Variants in BCL11A observed in about 807,000 individuals in gnomAD.
BCL11A encodes BCL11 transcription factor A, also known as B cell CLL/lymphoma 11A.
A neutral mutation model predicts 55.9 loss-of-function variants in BCL11A; 2 were observed. That is an observed-to-expected ratio of 0.04 (90% CI 0.01 to 0.11). The LOEUF (loss-of-function observed/expected upper bound fraction) is 0.11. Among genes scored for constraint, BCL11A ranks in the 10% least tolerant of loss-of-function variants. BCL11A has a pLI of 1.00. For missense variants in BCL11A, 817 were observed against 1,137.1 expected (o/e 0.72, Z 4.05); for synonymous variants, 465 against 473.4 (o/e 0.98, Z 0.23).
At chr2:60,496,809 G>C (rs1188625346) in intron 2 of BCL11A, among the ~76,000 whole-genome samples, 2 of 151,898 alleles carry the variant, frequency 1.3e-5, no homozygotes, top group African/African-American at 2.4e-5. Context: ...ATGCTCCCAA[G>C]AGGAGTCTTA....
intron 2 of BCL11A, chr2:60,541,793 A>T (rs1165131914): frequency 5.1e-6 from 3 of 585,116 alleles, no homozygotes. Context: ...TTCAGAAGTC[A>T]GTCGTTTTTA....
At chr2:60,481,747 C>T (rs191474164) in intron 2 of BCL11A, among the ~76,000 whole-genome samples, 31 of 152,238 alleles carry the variant, frequency 2.0e-4, no homozygotes, top group African/African-American at 7.2e-4. Context: ...TTTTTTTCCA[C>T]AAGTGAGATT....
At chr2:60,515,782 C>G (rs926334464) in intron 2 of BCL11A, among the ~76,000 whole-genome samples, 3 of 152,212 alleles carry the variant, frequency 2.0e-5, no homozygotes, top group Admixed American at 2.0e-4. Flanking sequence ...CTCTTGATCA[C>G]CCAACTTTCC....
Position 60,460,135 on chromosome 2 carries a change from C to T in BCL11A, c.*269G>A, listed in dbSNP as rs1189942742. ...TAAAATGCAATAGTATTGCCCCATA[C>T]AGATCATGCATTCAAACGGTGAGAA... On this transcript the variant is annotated 3_prime_UTR_variant, in exon 4 of 4. Coordinates refer to ENST00000642384, the MANE Select transcript of BCL11A (RefSeq NM_022893.4). 8.3e-6 allele frequency: 10 copies of T among 1,199,542 alleles called. No individual in the cohort carries two copies. The highest frequency in any genetic ancestry group is 1.0e-5 in the Non-Finnish European group (10 of 974,924). The allele number at this position is 1,199,542 out of a possible 1,614,324, so 74.3% of individuals were successfully genotyped here.
At chr2:60,483,838 T>C (rs1249882924) in intron 2 of BCL11A, among the ~76,000 whole-genome samples, 2 of 152,174 alleles carry the variant, frequency 1.3e-5, no homozygotes, top group African/African-American at 2.4e-5. Flanking sequence ...CTGGTTGTTC[T>C]TTCTTTCTTC....
intron 3 of BCL11A, among the ~76,000 whole-genome samples, chr2:60,467,168 A>ATGG (rs1169175530): frequency 0.01 from 382 of 36,830 alleles, 5 homozygotes; most frequent in East Asian, 0.047. Context: ...GGTGGTGGTG[A>ATGG]TGGTGGTGGT....
At chr2:60,552,609 C>T (rs553638153) in intron 1 of BCL11A, among the ~76,000 whole-genome samples, 2 of 152,328 alleles carry the variant, frequency 1.3e-5, no homozygotes, top group South Asian at 4.1e-4. Flanking sequence ...TCAGGAGCGC[C>T]GGGGGCCCCT....
intron 2 of BCL11A, among the ~76,000 whole-genome samples, chr2:60,470,076 A>G (rs930926500): frequency 2.0e-4 from 31 of 152,174 alleles, no homozygotes; most frequent in Non-Finnish European, 3.4e-4. Context: ...GGCAGTTGGG[A>G]CAAGATTTCC....
At chr2:60,467,240 ATGG>A (rs57821297) in intron 3 of BCL11A, among the ~76,000 whole-genome samples, 1 of 48,876 alleles carries the variant, frequency 2.0e-5, no homozygotes, top group African/African-American at 8.2e-5. Flanking sequence ...GGTGGTAGTG[ATGG>A]TGGTGGTAAT....
chr2:60,452,880 C>A (rs1339953569), downstream of BCL11A: 1 of 493,108 alleles, frequency 2.0e-6, no homozygotes. Flanking sequence ...CCCTCCCTTC[C>A]GTCCCCCCAA....
intron 2 of BCL11A, among the ~76,000 whole-genome samples, chr2:60,539,540 T>C (rs1669827517): frequency 6.6e-6 from 1 of 152,190 alleles, no homozygotes; most frequent in Non-Finnish European, 1.5e-5. Context: ...GGGAGACAAA[T>C]TCCAATGAAC....
At chr2:60,452,247 C>T (rs1051980012), downstream of BCL11A, 4 of 265,996 alleles carry the variant, frequency 1.5e-5, no homozygotes, top group South Asian at 1.1e-4. Flanking sequence ...GGGACTCATG[C>T]GCATTTCCAC....
At chr2:60,550,352 T>C (rs1233549437) in intron 1 of BCL11A, among the ~76,000 whole-genome samples, 1 of 152,032 alleles carries the variant, frequency 6.6e-6, no homozygotes, top group Non-Finnish European at 1.5e-5. Flanking sequence ...AACAAAGACA[T>C]ACGGGGTGAT....
chr2:60,540,671 G>A (rs1669878344), intron 2 of BCL11A, among the ~76,000 whole-genome samples: 1 of 152,110 alleles, frequency 6.6e-6, no homozygotes, highest in Admixed American at 6.5e-5. Context: ...CTACATGGAA[G>A]CTGCAGTGTG....
downstream of BCL11A, among the ~76,000 whole-genome samples, chr2:60,454,069 C>T (rs1261384222): frequency 1.3e-5 from 2 of 151,944 alleles, no homozygotes; most frequent in African/African-American, 2.4e-5. Flanking sequence ...AGAGAAACAG[C>T]CCCATTCCCC....
At chr2:60,468,912 C>G in intron 2 of BCL11A, 79 bp from the exon 3 acceptor site, 1 of 861,764 alleles carries the variant, frequency 1.2e-6, no homozygotes, top group Non-Finnish European at 1.9e-6. Flanking sequence ...CATTTCAATT[C>G]CATTAAAATA....
Position 60,545,974 on chromosome 2 carries a change from C to T in BCL11A, c.382G>A (p.Ala128Thr). The change falls in exon 2 of 4, where the codon GCA becomes ACA. Residue 128 changes from alanine (A) to threonine (T), a missense_variant. Around this residue, in one of 4 missense-constraint regions of BCL11A, gnomAD observed 363 missense variants for 486.6 expected, o/e 0.75. Coordinates refer to ENST00000642384, the MANE Select transcript of BCL11A (RefSeq NM_022893.4). Reference protein sequence around the residue: ...RGICPKQEHIADKLLHWRGLS... With the variant: ...RGICPKQEHITDKLLHWRGLS... The stretch of plus-strand genomic sequence containing the variant: ...TTTCTCCTTGCTTCTCATTTACCTG[C>T]TATGTGTTCCTGTTTGGGGCAAATT... 1 of 1,612,448 alleles carries T rather than the reference C, an allele frequency of 6.2e-7. No individual in the cohort carries two copies. Among genetic ancestry groups the T allele is most frequent in the Non-Finnish European group, 8.5e-7 (1 of 1,178,730 alleles).
At chr2:60,520,010 C>T (rs1668907544) in intron 2 of BCL11A, among the ~76,000 whole-genome samples, 1 of 152,166 alleles carries the variant, frequency 6.6e-6, no homozygotes, top group Non-Finnish European at 1.5e-5. Context: ...TTATTGTATC[C>T]TCTTCAAATA....
intron 2 of BCL11A, among the ~76,000 whole-genome samples, chr2:60,502,408 C>T (rs1257613255): frequency 6.6e-6 from 1 of 152,220 alleles, no homozygotes; most frequent in Non-Finnish European, 1.5e-5. Flanking sequence ...TAAAACTGCA[C>T]AGACAGAATA....
Sources: allele counts gnomAD v4.1 joint callset (sites outside exome capture counted in the v4.1 genomes callset), GRCh38; gene constraint gnomAD v4.1.1; regional missense constraint gnomAD v4.1.1; transcripts MANE v1.5; gene names NCBI Gene and HGNC (gene_info 2026-07-23, HGNC 2026-07-21).